TMED3: variants seen among roughly 807,000 people sequenced by gnomAD.
The protein encoded by TMED3 is transmembrane p24 trafficking protein 3.
In TMED3, 9 loss-of-function variants were observed where a neutral mutation model predicts 15.0. That is an observed-to-expected ratio of 0.60 (90% CI 0.36 to 1.04). TMED3 has a LOEUF of 1.04. Ranked by LOEUF, TMED3 falls within the 50% of genes least tolerant of loss-of-function variation. The pLI is 0.01. For missense variants in TMED3, 267 were observed against 278.9 expected (o/e 0.96, Z 0.30); for synonymous variants, 117 against 121.4 (o/e 0.96, Z 0.24).
At chr15:79,372,574 G>A (rs1351846185) in intron 2 of TMED3, among the ~76,000 whole-genome samples, 9 of 152,212 alleles carry the variant, frequency 5.9e-5, no homozygotes, top group Non-Finnish European at 1.3e-4. Context: ...CTTATGTGGT[G>A]GCAGGCAGGA....
chr15:79,341,195 CAAAAAAAAA>C (rs58885572), intron 2 of TMED3, among the ~76,000 whole-genome samples: 2 of 58,342 alleles, frequency 3.4e-5, no homozygotes, highest in East Asian at 1.3e-3. Context: ...GACCCTGTCT[CAAAAAAAAA>C]AAAAAAAAAA....
At chr15:79,321,443 CGT>C (rs2058766363) in intron 2 of TMED3, among the ~76,000 whole-genome samples, 2 of 152,160 alleles carry the variant, frequency 1.3e-5, no homozygotes, top group Non-Finnish European at 2.9e-5. Flanking sequence ...ATACATGAAG[CGT>C]GTGTCTTCAT....
rs181653677 is a variant in TMED3, at chr15:79,402,572, G to T, written c.418-8828G>T. Among the ~76,000 whole-genome samples, 575 of 152,124 alleles carry T rather than the reference G, an allele frequency of 3.8e-3. 4 individuals are homozygous for T. Among genetic ancestry groups the T allele is most frequent in the African/African-American group, 0.013 (553 of 41,490 alleles). On this transcript the variant is annotated intron_variant, in intron 2 of 2. Transcript: ENST00000424155. ...AGGCGGGTGGATCACGAGGTCAGGG[G>T]TTCAAGACCAAACTGGCCAAGATGG...
At chr15:79,390,265 G>T (rs2141253347) in intron 2 of TMED3, among the ~76,000 whole-genome samples, 1 of 152,164 alleles carries the variant, frequency 6.6e-6, no homozygotes, top group Middle Eastern at 3.4e-3. Flanking sequence ...TATGTCACTT[G>T]TATGCTGATT....
intron 1 of TMED3, 84 bp from the exon 2 acceptor site, chr15:79,313,673 G>A: frequency 6.7e-6 from 10 of 1,494,902 alleles, no homozygotes; most frequent in South Asian, 1.3e-5. Flanking sequence ...AGAAATGTTT[G>A]TAGAGTCTGA....
intron 2 of TMED3, among the ~76,000 whole-genome samples, chr15:79,352,460 T>G (rs931386537): frequency 6.6e-6 from 1 of 151,974 alleles, no homozygotes; most frequent in Non-Finnish European, 1.5e-5. Flanking sequence ...AACAAGGATG[T>G]CAACAGGATT....
intron 2 of TMED3, among the ~76,000 whole-genome samples, chr15:79,371,455 C>T (rs1195700034): frequency 6.6e-6 from 1 of 152,100 alleles, no homozygotes; most frequent in Non-Finnish European, 1.5e-5. Flanking sequence ...TCACTGAAAA[C>T]AGTAGATGTT....
intron 2 of TMED3, among the ~76,000 whole-genome samples, chr15:79,394,762 T>A (rs889157219): frequency 2.6e-5 from 4 of 152,336 alleles, no homozygotes; most frequent in Non-Finnish European, 5.9e-5. Context: ...CTACTCCAGT[T>A]TTATCCAGTT....
chr15:79,366,910 T>C (rs1893247928), intron 2 of TMED3, among the ~76,000 whole-genome samples: 1 of 152,230 alleles, frequency 6.6e-6, no homozygotes, highest in Non-Finnish European at 1.5e-5. Context: ...TTTTTTTTCT[T>C]TCATTAATAT....
intron 2 of TMED3, among the ~76,000 whole-genome samples, chr15:79,378,677 C>A (rs1288068670): frequency 6.6e-6 from 1 of 152,196 alleles, no homozygotes; most frequent in East Asian, 1.9e-4. Flanking sequence ...CACAGGTGGG[C>A]AGGCAGCCAA....
chr15:79,355,675 G>A (rs1301244800), intron 2 of TMED3, among the ~76,000 whole-genome samples: 1 of 152,198 alleles, frequency 6.6e-6, no homozygotes, highest in Non-Finnish European at 1.5e-5. Context: ...AGGGGCTCCA[G>A]TCCTCACCCC....
chr15:79,335,595 T>C (rs951502680), intron 2 of TMED3, among the ~76,000 whole-genome samples: 1 of 152,072 alleles, frequency 6.6e-6, no homozygotes, highest in Non-Finnish European at 1.5e-5. Flanking sequence ...CAGGAAAAAC[T>C]CTACTGAGTA....
rs562803285 is a variant in TMED3 at position 79,329,008 on chromosome 15, C to T, written c.417+15003C>T. Among the ~76,000 whole-genome samples the T allele has an allele frequency of 5.1e-4, 77 of 152,318 alleles. 1 individual carries two copies. The South Asian group carries it at 0.016, about 31-fold the overall frequency. ...ATCAAAGCCCCTGTCTGGGTGGAATCCAGTCCTCCTTGTCCTCCCCTTTTT... is the reference window on the plus strand; with the variant it reads ...ATCAAAGCCCCTGTCTGGGTGGAATTCAGTCCTCCTTGTCCTCCCCTTTTT... On this transcript the variant is annotated intron_variant, in intron 2 of 2. Coordinates refer to the TMED3 transcript ENST00000424155.
chr15:79,410,031 C>G (rs1595913936), intron 2 of TMED3, among the ~76,000 whole-genome samples: 2 of 152,272 alleles, frequency 1.3e-5, no homozygotes, highest in South Asian at 4.2e-4. Context: ...GTACTTTTCA[C>G]TACACCCTAT....
chr15:79,316,900 G>C (rs1049591712), intron 2 of TMED3, among the ~76,000 whole-genome samples: 8 of 152,148 alleles, frequency 5.3e-5, no homozygotes, highest in Non-Finnish European at 2.9e-5. Flanking sequence ...GAAATTTTGT[G>C]GTAACAGGCT....
chr15:79,388,878 T>G (rs768633482), intron 2 of TMED3, among the ~76,000 whole-genome samples: 16 of 152,174 alleles, frequency 1.1e-4, no homozygotes, highest in Admixed American at 2.0e-4. Context: ...TTGCAAGCCA[T>G]TTGTATATCT....
chr15:79,410,817 G>T (rs545832384), intron 2 of TMED3, among the ~76,000 whole-genome samples: 3 of 152,184 alleles, frequency 2.0e-5, no homozygotes, highest in African/African-American at 7.2e-5. Context: ...ATTTGCAAGT[G>T]CTTCAATCTA....
At chr15:79,353,466 TG>T (rs146186431) in intron 2 of TMED3, among the ~76,000 whole-genome samples, 13,147 of 134,686 alleles carry the variant, frequency 0.098, 680 homozygotes, top group Admixed American at 0.13. Context: ...GAAAATTTAA[TG>T]GGGGAAAAAA....
chr15:79,383,147 C>A, intron 2 of TMED3: 1 of 867,778 alleles, frequency 1.2e-6, no homozygotes. Context: ...TCACTTCCTG[C>A]CTTGTCCACT....
Sources: allele counts gnomAD v4.1 joint callset (sites outside exome capture counted in the v4.1 genomes callset), GRCh38; gene constraint gnomAD v4.1.1; transcripts MANE v1.5; gene names NCBI Gene and HGNC (gene_info 2026-07-23, HGNC 2026-07-21).